The following SLC39A12 variants were observed in gnomAD, a reference collection of about 807,000 sequenced individuals.
SLC39A12 encodes the protein solute carrier family 39 member 12.
A neutral mutation model predicts 71.1 loss-of-function variants in SLC39A12; 63 were observed. The ratio of observed to expected loss-of-function variants is 0.89; its 90% CI spans 0.72 to 1.09. SLC39A12 has a LOEUF of 1.09. SLC39A12 is among the 50% of genes least tolerant of loss of function. The pLI is 0.00. For synonymous variants in SLC39A12, 351 were observed against 301.3 expected (o/e 1.16, Z -1.71); for missense variants, 892 against 812.6 (o/e 1.10, Z -1.19).
chr10:17,984,243 G>A lies in SLC39A12; in HGVS notation c.1096+2760G>A, dbSNP rs78038225. On this transcript the variant is annotated intron_variant, in intron 6 of 12. Coordinates refer to ENST00000377369, the MANE Select transcript of SLC39A12 (RefSeq NM_001145195.2). ...GATATTTTATGGTTTTGAGGCTGTC[G>A]TTCCTACATGAAAGCAAGTGAAATA... Among the ~76,000 whole-genome samples the A allele has an allele frequency of 6.5e-3, 985 of 152,334 alleles. 16 individuals carry two copies. In the East Asian group the frequency reaches 0.075, roughly 12 times the overall value.
chr10:17,978,565 T>C (rs1835174301), intron 5 of SLC39A12, among the ~76,000 whole-genome samples: 2 of 152,186 alleles, frequency 1.3e-5, no homozygotes, highest in Admixed American at 1.3e-4. Flanking sequence ...AATCCATGTT[T>C]GTGAAGTTTC....
chr10:17,966,866 C>A (rs138674729), intron 4 of SLC39A12, among the ~76,000 whole-genome samples: 2,043 of 151,734 alleles, frequency 0.013, 39 homozygotes, highest in African/African-American at 0.043. Flanking sequence ...CCCAGCTACT[C>A]CGGAGGCTGA....
intron 12 of SLC39A12, among the ~76,000 whole-genome samples, chr10:18,039,673 A>T (rs181830127): frequency 1.3e-5 from 2 of 152,278 alleles, no homozygotes; most frequent in African/African-American, 4.8e-5. Flanking sequence ...GGCTACAGTG[A>T]GCTATGATCA....
intron 2 of SLC39A12, 104 bp downstream of exon 2, chr10:17,953,641 C>A (rs1834465092): frequency 7.6e-7 from 1 of 1,320,892 alleles, no homozygotes; most frequent in Non-Finnish European, 1.0e-6. Flanking sequence ...GCAAATCTTC[C>A]AATATGCAAT....
At chr10:18,029,354 A>T (rs763838258) in intron 12 of SLC39A12, among the ~76,000 whole-genome samples, 2 of 152,210 alleles carry the variant, frequency 1.3e-5, no homozygotes, top group Middle Eastern at 3.2e-3. Flanking sequence ...TCACACTTGA[A>T]AAAAGAACTC....
chr10:18,017,629 A>G (rs889836252), intron 12 of SLC39A12, among the ~76,000 whole-genome samples: 1 of 152,124 alleles, frequency 6.6e-6, no homozygotes, highest in African/African-American at 2.4e-5. Context: ...TTCCAGCACC[A>G]TTTTTTGAAA....
At chr10:18,033,292 G>A (rs1193397112) in intron 12 of SLC39A12, among the ~76,000 whole-genome samples, 1 of 148,602 alleles carries the variant, frequency 6.7e-6, no homozygotes, top group Non-Finnish European at 1.5e-5. Flanking sequence ...GACTCTTTTT[G>A]GTTGGTAAAC....
At chr10:18,036,784 A>ATTTTTT (rs1277319900) in intron 12 of SLC39A12, among the ~76,000 whole-genome samples, 3 of 7,686 alleles carry the variant, frequency 3.9e-4, no homozygotes, top group African/African-American at 1.6e-3. Context: ...ATATATATAT[A>ATTTTTT]TATATATATA....
chr10:18,000,949 A>G (rs1359833626), intron 11 of SLC39A12, 124 bp downstream of exon 11: 1 of 964,514 alleles, frequency 1.0e-6, no homozygotes, highest in African/African-American at 1.7e-5. Context: ...TCCTTTTATA[A>G]TTTATTTAAA....
intron 12 of SLC39A12, among the ~76,000 whole-genome samples, chr10:18,022,759 G>C (rs986715701): frequency 6.6e-6 from 1 of 152,230 alleles, no homozygotes; most frequent in Non-Finnish European, 1.5e-5. Flanking sequence ...ATCTGTGTGG[G>C]CTGATGTTCC....
chr10:17,990,448 T>C (rs1020861286), intron 7 of SLC39A12, among the ~76,000 whole-genome samples: 2 of 152,212 alleles, frequency 1.3e-5, no homozygotes, highest in Non-Finnish European at 2.9e-5. Context: ...GGAAACCATT[T>C]ATGAGCTACT....
intron 12 of SLC39A12, among the ~76,000 whole-genome samples, chr10:18,041,600 T>A (rs545577189): frequency 2.2e-5 from 3 of 138,064 alleles, no homozygotes; most frequent in African/African-American, 8.4e-5. Context: ...CATATATATG[T>A]GTATATATAT....
In SLC39A12 at chr10:17,991,212, A is replaced by G. The variant is rs372701222; in HGVS notation, c.1331A>G (p.His444Arg). 7 of 1,597,872 alleles carry G rather than the reference A, an allele frequency of 4.4e-6. No homozygotes were observed. The highest frequency in any genetic ancestry group is 1.4e-5 in the African/African-American group (1 of 73,866). The change falls in exon 8 of 13, where the codon CAT becomes CGT. Residue 444 changes from histidine (H) to arginine (R), a missense_variant. Transcript: ENST00000377369. Reference protein sequence around the residue: ...EFGHFHESKGHIWKLMGLIGG... With the variant: ...EFGHFHESKGRIWKLMGLIGG... ...GGGCATTTCCATGAAAGCAAAGGTCATATTTGGAAACTGATGGGATTAATT... is the reference window on the plus strand; with the variant it reads ...GGGCATTTCCATGAAAGCAAAGGTCGTATTTGGAAACTGATGGGATTAATT...
intron 9 of SLC39A12, among the ~76,000 whole-genome samples, chr10:17,994,017 A>T (rs1434947233): frequency 1.3e-5 from 2 of 152,190 alleles, no homozygotes; most frequent in Non-Finnish European, 2.9e-5. Context: ...AGCAAAATAG[A>T]AGTTTGGGAG....
intron 10 of SLC39A12, among the ~76,000 whole-genome samples, chr10:17,997,162 A>T (rs1350859401): frequency 6.6e-6 from 1 of 152,232 alleles, no homozygotes. Context: ...GTTTGAAGAC[A>T]TGTCCTGCTT....
intron 12 of SLC39A12, among the ~76,000 whole-genome samples, chr10:18,034,829 T>C (rs1836952593): frequency 1.3e-5 from 2 of 149,570 alleles, no homozygotes; most frequent in African/African-American, 4.9e-5. Context: ...AGGAGCTCTT[T>C]TAGGGCAGGC....
chr10:18,029,985 A>G lies in SLC39A12; in HGVS notation c.1948-12720A>G, dbSNP rs1276938192. On this transcript the variant is annotated intron_variant, in intron 12 of 12. Coordinates refer to ENST00000377369, the MANE Select transcript of SLC39A12 (RefSeq NM_001145195.2). ...GGCATTTCGTATTTGTAGCTGTTGG[A>G]AAGACTTTCTGTAGGACTCTCTGGT... is the stretch of plus-strand genomic sequence containing the variant. 5.9e-5 allele frequency among the ~76,000 whole-genome samples: 9 copies of G among 151,378 alleles called. No homozygotes were observed. In the Admixed American group the frequency reaches 6.0e-4, roughly 10 times the overall value.
At chr10:17,981,215 A>G (rs1185806272) in intron 5 of SLC39A12, 97 bp from the exon 6 acceptor site, 3 of 1,088,886 alleles carry the variant, frequency 2.8e-6, no homozygotes, top group East Asian at 2.4e-5. Context: ...TGTTCTCGCT[A>G]TTCCATCTAG....
intron 4 of SLC39A12, among the ~76,000 whole-genome samples, chr10:17,971,258 G>GCCCCTCCCCTCCTCTCCCCT (rs1834965568): frequency 1.8e-5 from 1 of 56,566 alleles, no homozygotes; most frequent in East Asian, 4.8e-4. Flanking sequence ...ATATTGGCCT[G>GCCCCTCCCCTCCTCTCCCCT]CCCCTCCCCT....
Sources: gnomAD v4.1 joint callset for allele counts (sites outside exome capture counted in the v4.1 genomes callset) on GRCh38, gnomAD v4.1.1 for gene constraint, MANE v1.5 for transcripts, NCBI Gene and HGNC (gene_info 2026-07-23, HGNC 2026-07-21) for gene names.